RBM19: variants seen among roughly 807,000 people sequenced by gnomAD.
RBM19 encodes the protein probable RNA-binding protein 19.
A neutral mutation model predicts 116.8 loss-of-function variants in RBM19; 94 were observed. That is an observed-to-expected ratio of 0.80 (90% CI 0.68 to 0.95). The LOEUF (loss-of-function observed/expected upper bound fraction) is 0.95, where lower values mean the gene tolerates loss of function less well. Among genes scored for constraint, RBM19 ranks in the 40% least tolerant of loss-of-function variants. The pLI is 0.00. For synonymous variants in RBM19, 475 were observed against 494.1 expected, an observed-to-expected ratio of 0.96 and a Z score of 0.51; for missense variants, 1,161 against 1,220.7, an observed-to-expected ratio of 0.95 and a Z score of 0.73.
At chr12:113,858,678 A>G (rs2090382699) in intron 22 of RBM19, 113 bp downstream of exon 22, 13 of 974,060 alleles carry the variant, frequency 1.3e-5, no homozygotes, top group Non-Finnish European at 2.1e-5. Context: ...GCAAAAAAAG[A>G]ACACCTGCAT....
intron 21 of RBM19, among the ~76,000 whole-genome samples, chr12:113,892,138 A>G (rs1371871742): frequency 6.6e-6 from 1 of 152,206 alleles, no homozygotes; most frequent in Non-Finnish European, 1.5e-5. Context: ...TCAGCATCCT[A>G]TGAATAGGTG....
intron 16 of RBM19, among the ~76,000 whole-genome samples, chr12:113,928,705 G>A (rs1033358517): frequency 6.6e-6 from 1 of 150,484 alleles, no homozygotes; most frequent in Admixed American, 6.6e-5. Context: ...AGACCTGCTA[G>A]CCTGCAGTGG....
At position 113,950,172 on chromosome 12, in the gene RBM19, C is replaced by CA; in HGVS notation, c.1001-19dup. On this transcript the variant is annotated intron_variant, in intron 8 of 23. Coordinates refer to ENST00000261741, the MANE Select transcript of RBM19 (RefSeq NM_016196.4). ...GATGTATCCTGACAGAGGACAATGA[C>CA]AGAGGTAAAATCTGCAGGCCTTGCA... 6.3e-7 allele frequency: 1 copy of CA among 1,587,612 alleles called. No homozygotes were observed. Among genetic ancestry groups the CA allele is most frequent in the Non-Finnish European group, 8.6e-7 (1 of 1,156,572 alleles).
chr12:113,945,196 AT>A (rs1168823600), intron 13 of RBM19, among the ~76,000 whole-genome samples: 8 of 152,222 alleles, frequency 5.3e-5, no homozygotes, highest in African/African-American at 1.9e-4. Context: ...TTCACTATCT[AT>A]ATGTCTATCA....
At chr12:113,821,178 C>G (rs1405918497), downstream of RBM19, among the ~76,000 whole-genome samples, 1 of 152,176 alleles carries the variant, frequency 6.6e-6, no homozygotes, top group Non-Finnish European at 1.5e-5. Flanking sequence ...GAGCCCATGT[C>G]TGCTCACCCC....
At chr12:113,866,153 T>C (rs1878792786) in intron 21 of RBM19, among the ~76,000 whole-genome samples, 1 of 152,176 alleles carries the variant, frequency 6.6e-6, no homozygotes, top group African/African-American at 2.4e-5. Context: ...CTGTTCTTGC[T>C]CTCCCTTCTT....
chr12:113,849,496 T>A (rs1025247426), intron 22 of RBM19, among the ~76,000 whole-genome samples: 2 of 152,236 alleles, frequency 1.3e-5, no homozygotes. Context: ...GTATGTCCCG[T>A]TCTGAGAGAG....
At chr12:113,867,994 A>T (rs530739206) in intron 21 of RBM19, among the ~76,000 whole-genome samples, 1 of 152,278 alleles carries the variant, frequency 6.6e-6, no homozygotes, top group South Asian at 2.1e-4. Context: ...AGAAATGGAC[A>T]TTCTAGTATT....
chr12:113,956,259 A>G (rs1322135346), intron 6 of RBM19, among the ~76,000 whole-genome samples: 1 of 152,154 alleles, frequency 6.6e-6, no homozygotes, highest in Non-Finnish European at 1.5e-5. Flanking sequence ...AGAAAAGAGG[A>G]TGAAGCTTGC....
intron 22 of RBM19, among the ~76,000 whole-genome samples, chr12:113,845,151 C>T (rs568472883): frequency 2.0e-5 from 3 of 152,276 alleles, no homozygotes; most frequent in South Asian, 2.1e-4. Context: ...TTGAGAAAGC[C>T]GAGCCCTGGC....
chr12:113,895,622 A>G (rs1434177183), intron 21 of RBM19, among the ~76,000 whole-genome samples: 1 of 152,216 alleles, frequency 6.6e-6, no homozygotes, highest in Non-Finnish European at 1.5e-5. Context: ...CAAAATGCAA[A>G]GACAAAGATC....
chr12:113,858,977 T>C (rs531335327), intron 21 of RBM19, 81 bp from the exon 22 acceptor site: 3 of 1,261,400 alleles, frequency 2.4e-6, no homozygotes, highest in South Asian at 1.2e-5. Flanking sequence ...GATTCTCACA[T>C]GTAAATCCCT....
chr12:113,960,150 G>A lies in RBM19; in HGVS notation c.248C>T (p.Pro83Leu), dbSNP rs371958264. The change falls in exon 3 of 24, where the codon CCG (proline) becomes CTG (leucine). Residue 83 changes from proline to leucine, a missense_variant. Coordinates refer to ENST00000261741, the MANE Select transcript of RBM19 (RefSeq NM_016196.4). ...TVEFCKSFGD[P>L]AKPRAWSKHA... ...TTTGCTCCAGGCTCTGGGTTTGGCC[G>A]GGTCCCCGAATGACTTGCAGAACTC... The A allele has an allele frequency of 1.3e-5, 21 of 1,613,748 alleles. No homozygotes were observed. The highest frequency in any genetic ancestry group is 1.7e-5 in the Non-Finnish European group (20 of 1,180,006).
At chr12:113,888,179 A>AG (rs1479897604) in intron 21 of RBM19, among the ~76,000 whole-genome samples, 1 of 152,236 alleles carries the variant, frequency 6.6e-6, no homozygotes. Flanking sequence ...AATCTGAGTC[A>AG]GGGGCCTCTG....
rs780490503 is a variant in RBM19, at chr12:113,903,444, C to T, written c.2558+11525G>A. On this transcript the variant is annotated intron_variant, in intron 21 of 23. Coordinates refer to ENST00000261741, the MANE Select transcript of RBM19 (RefSeq NM_016196.4). The surrounding 1 kb of genome is among the most constrained non-coding windows in gnomAD (Gnocchi z 5.1). ...TGACAGACATCTGTTTTTGTGTGAA[C>T]GTGAGTTGTCATTTCTCTGTTGTTG... is the stretch of plus-strand genomic sequence containing the variant. 3.9e-5 allele frequency among the ~76,000 whole-genome samples: 6 copies of T among 152,178 alleles called. No homozygotes were observed. The highest frequency in any genetic ancestry group is 1.9e-4 in the East Asian group (1 of 5,202).
At chr12:113,922,653 C>T (rs1382498509) in intron 18 of RBM19, among the ~76,000 whole-genome samples, 3 of 151,146 alleles carry the variant, frequency 2.0e-5, no homozygotes, top group African/African-American at 7.3e-5. Flanking sequence ...AAAACTGGTC[C>T]TTCTCATAAT....
Position 113,959,413 on chromosome 12 carries a change from A to C in RBM19, c.379-9T>G. The C allele has an allele frequency of 6.3e-7, 1 of 1,595,794 alleles. No individual in the cohort carries two copies. The highest frequency in any genetic ancestry group is 8.6e-7 in the Non-Finnish European group (1 of 1,164,944). On this transcript the variant is annotated splice_polypyrimidine_tract_variant and intron_variant, in intron 4 of 23. Coordinates refer to ENST00000261741, the MANE Select transcript of RBM19 (RefSeq NM_016196.4). ...TCTGTATCCTCCTTCAGCTGGTGGC[A>C]CCAGAACCCGGGCGGCAGGGACACG...
At chr12:113,945,637 A>G (rs954568174) in intron 13 of RBM19, among the ~76,000 whole-genome samples, 191 bp downstream of exon 13, 7 of 152,192 alleles carry the variant, frequency 4.6e-5, no homozygotes, top group Non-Finnish European at 1.0e-4. Context: ...CCAGGGCTGG[A>G]GCCTGGCTGG....
intron 8 of RBM19, among the ~76,000 whole-genome samples, chr12:113,951,156 T>C (rs1476958211): frequency 6.6e-6 from 1 of 152,154 alleles, no homozygotes; most frequent in Non-Finnish European, 1.5e-5. Flanking sequence ...TTCAGCCTCC[T>C]GAGTAGCTGA....
Sources: allele counts gnomAD v4.1 joint callset (sites outside exome capture counted in the v4.1 genomes callset), GRCh38; gene constraint gnomAD v4.1.1; non-coding constraint Gnocchi (gnomAD v3.1); transcripts MANE v1.5; gene names NCBI Gene and HGNC (gene_info 2026-07-23, HGNC 2026-07-21).